Variants in ANKRD6 observed in about 807,000 individuals in gnomAD.
The protein encoded by ANKRD6 is ankyrin repeat domain-containing protein 6.
A neutral mutation model predicts 82.3 loss-of-function variants in ANKRD6; 56 were observed. The ratio of observed to expected loss-of-function variants is 0.68; its 90% CI spans 0.55 to 0.85. The LOEUF is 0.85. Among genes scored for constraint, ANKRD6 ranks in the 40% least tolerant of loss-of-function variants. The pLI is 0.00. For synonymous variants in ANKRD6, 347 were observed against 352.1 expected, an observed-to-expected ratio of 0.99 and a Z score of 0.16; for missense variants, 852 against 907.6, an observed-to-expected ratio of 0.94 and a Z score of 0.79.
intron 1 of ANKRD6, among the ~76,000 whole-genome samples, chr6:89,527,925 T>G (rs1433048157): frequency 6.6e-6 from 1 of 152,192 alleles, no homozygotes; most frequent in East Asian, 1.9e-4. Context: ...TCCTCCCACC[T>G]CAGCCTCCAA....
rs536972276 is a variant in ANKRD6, at chr6:89,515,741, C to G, written c.-143-51093C>G. ...GGAGAAGGTGCTTCTCCTGGATTAT[C>G]TGGATAGGATCTTGAGAGAAGGTGC... On this transcript the variant is annotated intron_variant, in intron 1 of 15. Coordinates refer to ENST00000339746, the MANE Select transcript of ANKRD6 (RefSeq NM_001242809.2). 3.3e-5 allele frequency among the ~76,000 whole-genome samples: 5 copies of G among 151,636 alleles called. No individual in the cohort carries two copies. The South Asian group carries it at 1.0e-3, about 32-fold the overall frequency.
At chr6:89,553,224 T>C (rs1034953302) in intron 1 of ANKRD6, among the ~76,000 whole-genome samples, 40 of 152,182 alleles carry the variant, frequency 2.6e-4, no homozygotes, top group African/African-American at 9.4e-4. Context: ...ATGGGACTCC[T>C]GGAATGAAAA....
At chr6:89,596,734 G>C (rs1394643294) in intron 3 of ANKRD6, among the ~76,000 whole-genome samples, 3 of 152,210 alleles carry the variant, frequency 2.0e-5, no homozygotes, top group Non-Finnish European at 4.4e-5. Context: ...AGTACAGTGG[G>C]CTGCCCTACT....
intron 1 of ANKRD6, among the ~76,000 whole-genome samples, chr6:89,549,797 G>A (rs1436119192): frequency 6.6e-6 from 1 of 151,960 alleles, no homozygotes; most frequent in Non-Finnish European, 1.5e-5. Context: ...CAGACTGATG[G>A]GTACATTTGA....
chr6:89,606,880 C>A (rs1434967118), intron 5 of ANKRD6, among the ~76,000 whole-genome samples: 2 of 151,436 alleles, frequency 1.3e-5, no homozygotes, highest in Non-Finnish European at 2.9e-5. Context: ...CGGGGGTGGG[C>A]CTTTTTTGGC....
At chr6:89,542,695 G>C (rs1784580424) in intron 1 of ANKRD6, among the ~76,000 whole-genome samples, 1 of 152,206 alleles carries the variant, frequency 6.6e-6, no homozygotes, top group African/African-American at 2.4e-5. Context: ...GGTTAAAGTA[G>C]AGTAGGACGT....
chr6:89,530,132 G>C (rs1288268476), intron 1 of ANKRD6, among the ~76,000 whole-genome samples: 2 of 152,060 alleles, frequency 1.3e-5, no homozygotes, highest in Non-Finnish European at 2.9e-5. Flanking sequence ...GTGTACATTT[G>C]TTGTCCCAGC....
chr6:89,441,670 T>C (rs1771412788), intron 1 of ANKRD6, among the ~76,000 whole-genome samples: 1 of 148,144 alleles, frequency 6.8e-6, no homozygotes, highest in Non-Finnish European at 1.5e-5. Flanking sequence ...TTTGCTCTTA[T>C]TGCCCAGGCT....
intron 11 of ANKRD6, 140 bp from the exon 12 acceptor site, chr6:89,623,732 T>C (rs964046263): frequency 7.2e-6 from 9 of 1,253,000 alleles, no homozygotes; most frequent in Non-Finnish European, 9.8e-6. Flanking sequence ...TCTTTTGACA[T>C]GTGTGGCTTG....
At chr6:89,607,929 C>A (rs1207393923) in intron 5 of ANKRD6, among the ~76,000 whole-genome samples, 1 of 105,698 alleles carries the variant, frequency 9.5e-6, no homozygotes, top group Non-Finnish European at 2.0e-5. Flanking sequence ...TGTGCCCCCA[C>A]GCCTGGCTAA....
chr6:89,518,867 T>G (rs879268824), intron 1 of ANKRD6, among the ~76,000 whole-genome samples: 6 of 152,208 alleles, frequency 3.9e-5, no homozygotes, highest in Non-Finnish European at 8.8e-5. Context: ...AGAAATGTGT[T>G]GTCTCACACT....
chr6:89,506,042 G>A (rs956785629), intron 1 of ANKRD6, among the ~76,000 whole-genome samples: 4 of 152,158 alleles, frequency 2.6e-5, no homozygotes, highest in East Asian at 1.9e-4. Flanking sequence ...AGGTAGTTGC[G>A]GGGGCTGGGG....
chr6:89,455,741 C>T (rs929916718), intron 1 of ANKRD6, among the ~76,000 whole-genome samples: 1 of 152,168 alleles, frequency 6.6e-6, no homozygotes, highest in Non-Finnish European at 1.5e-5. Flanking sequence ...CCTTCACCTT[C>T]TGCTATAATT....
chr6:89,488,883 C>A (rs1777689370), intron 1 of ANKRD6, among the ~76,000 whole-genome samples: 1 of 150,754 alleles, frequency 6.6e-6, no homozygotes, highest in African/African-American at 2.5e-5. Context: ...CTATTCTATT[C>A]TATTCTATTC....
At chr6:89,606,554 C>A (rs2128192796) in intron 5 of ANKRD6, among the ~76,000 whole-genome samples, 1 of 152,144 alleles carries the variant, frequency 6.6e-6, no homozygotes, top group East Asian at 1.9e-4. Flanking sequence ...AAATCAGGAG[C>A]CTTAAAATGG....
In ANKRD6 at chr6:89,580,598, C is replaced by G. The variant is rs531588372; in HGVS notation, c.120+13502C>G. Among the ~76,000 whole-genome samples the G allele has an allele frequency of 8.7e-3, 1,317 of 152,134 alleles. 12 individuals are homozygous for G. Among genetic ancestry groups the G allele is most frequent in the African/African-American group, 0.023 (951 of 41,492 alleles). ...CTGCACCGAGAGGCTCTCCTGCTGC[C>G]ACTCGCTGGGCTTCCTGCTCTGAAA... On this transcript the variant is annotated intron_variant, in intron 2 of 15. Coordinates refer to ENST00000339746, the MANE Select transcript of ANKRD6 (RefSeq NM_001242809.2).
intron 2 of ANKRD6, among the ~76,000 whole-genome samples, chr6:89,577,079 A>G (rs191081456): frequency 6.6e-6 from 1 of 152,064 alleles, no homozygotes; most frequent in East Asian, 1.9e-4. Flanking sequence ...TATGTGCAGA[A>G]TCCACAGGTT....
chr6:89,568,694 G>A (rs1789083248), intron 2 of ANKRD6, among the ~76,000 whole-genome samples: 1 of 151,898 alleles, frequency 6.6e-6, no homozygotes, highest in Non-Finnish European at 1.5e-5. Context: ...GAGGCACCAG[G>A]GTCTGCTGTC....
chr6:89,511,667 G>A (rs1780566804), intron 1 of ANKRD6, among the ~76,000 whole-genome samples: 1 of 152,218 alleles, frequency 6.6e-6, no homozygotes, highest in Admixed American at 6.5e-5. Flanking sequence ...AGTGCTTAGT[G>A]CAATGCCTGG....
Sources: allele counts gnomAD v4.1 joint callset (sites outside exome capture counted in the v4.1 genomes callset), GRCh38; gene constraint gnomAD v4.1.1; transcripts MANE v1.5; gene names NCBI Gene and HGNC (gene_info 2026-07-23, HGNC 2026-07-21).